The following DEF8 variants were observed in gnomAD, a reference collection of about 807,000 sequenced individuals.
The protein encoded by DEF8 is differentially expressed in FDCP 8 homolog, also known as DEF-8.
DEF8 carries 38 observed loss-of-function variants against 59.1 expected under a neutral mutation model. The ratio of observed to expected loss-of-function variants is 0.64; its 90% confidence interval spans 0.50 to 0.84. DEF8 has a LOEUF of 0.84. DEF8 is among the 40% of genes least tolerant of loss of function. DEF8 has a pLI of 0.00. For missense variants in DEF8, 557 were observed against 615.2 expected (o/e 0.91, Z 1.00); for synonymous variants, 265 against 250.1 (o/e 1.06, Z -0.56).
Position 89,963,410 on chromosome 16 carries a change from C to T in DEF8, c.969C>T (p.Cys323=). The T allele has an allele frequency of 6.2e-7, 1 of 1,613,932 alleles. No individual in the cohort carries two copies. Among genetic ancestry groups the T allele is most frequent in the Non-Finnish European group, 8.5e-7 (1 of 1,179,910 alleles). Residue 323 remains cysteine, a synonymous_variant, in exon 10 of 13, where the codon TGC becomes TGT. Coordinates refer to ENST00000563594, the MANE Select transcript of DEF8 (RefSeq NM_001242818.2). ...ILLMKPYFIT[C]REAMEARLLL... Reference sequence around the variant, plus strand: ...TCATGAAGCCGTACTTCATCACCTGCAGGGAGGCCATGGAGGCTCGTCTGC... The same window carrying T: ...TCATGAAGCCGTACTTCATCACCTGTAGGGAGGCCATGGAGGCTCGTCTGC...
rs185420481 is a variant in DEF8, at chr16:89,967,138, G to A, written c.*1175G>A. 62 of 397,100 alleles carry A rather than the reference G, an allele frequency of 1.6e-4. No individual in the cohort carries two copies. The highest frequency in any genetic ancestry group is 9.9e-4 in the African/African-American group (48 of 48,726). 24.6% of individuals were successfully genotyped at this position (397,100 alleles called of 1,614,324 possible). Reference sequence around the variant, plus strand: ...GCCTCAGGAGAGGACGTGTCAGGACGTGGCTTCCCAGCCTTCTGCCTTGGG... The same window carrying A: ...GCCTCAGGAGAGGACGTGTCAGGACATGGCTTCCCAGCCTTCTGCCTTGGG... On this transcript the variant is annotated 3_prime_UTR_variant, in exon 13 of 13. Transcript: ENST00000563594.
rs751727627 is a variant in DEF8 at position 89,961,733 on chromosome 16, G to T, written c.680-4G>T. 9.9e-6 allele frequency: 16 copies of T among 1,613,018 alleles called. No homozygotes were observed. The Admixed American group carries it at 2.7e-4, about 27-fold the overall frequency. On this transcript the variant is annotated splice_polypyrimidine_tract_variant and splice_region_variant and intron_variant, in intron 7 of 12. Transcript: ENST00000563594. ...GGACACTCAGGGCCCCTCTGACCCT[G>T]CAGGGGGTGTGCCCAGTGAGGCCAG...
intron 3 of DEF8, 91 bp from the exon 4 acceptor site, chr16:89,955,078 T>G: frequency 9.9e-7 from 1 of 1,012,042 alleles, no homozygotes; most frequent in Non-Finnish European, 1.5e-6. Context: ...CTGAATCCCT[T>G]TCCCACTCCT....
chr16:89,963,480 C>T (rs776107147), intron 10 of DEF8, 37 bp downstream of exon 10: 16 of 1,587,754 alleles, frequency 1.0e-5, no homozygotes, highest in African/African-American at 5.4e-5. Context: ...CGATGGGAAG[C>T]GCAGCCAGGG....
At position 89,961,274 on chromosome 16, in the gene DEF8, G is replaced by A. The variant is rs577300841; in HGVS notation, c.679+179G>A. ...TGCCATTGTTTCATTTCTCACTGAA[G>A]CAGACTGAGGTTCCAGCCGTTCCGT... On this transcript the variant is annotated intron_variant, in intron 7 of 12. Coordinates refer to ENST00000563594, the MANE Select transcript of DEF8 (RefSeq NM_001242818.2). Among the ~76,000 whole-genome samples, 14 of 152,312 alleles carry A rather than the reference G, an allele frequency of 9.2e-5. 1 individual carries two copies. The highest frequency in any genetic ancestry group is 3.4e-3 in the Middle Eastern group (1 of 294).
At position 89,965,866 on chromosome 16, in the gene DEF8, G is replaced by A. The variant is rs2034568140; in HGVS notation, c.1259G>A (p.Cys420Tyr). The A allele has an allele frequency of 1.2e-6, 2 of 1,612,448 alleles. No homozygotes were observed. The highest frequency in any genetic ancestry group is 1.1e-5 in the South Asian group (1 of 91,012). The change falls in exon 13 of 13, where the codon TGC becomes TAC. Residue 420 changes from cysteine (C) to tyrosine (Y), a missense_variant. Cys to Tyr is a radical substitution (Grantham distance 194). Coordinates refer to ENST00000563594, the MANE Select transcript of DEF8 (RefSeq NM_001242818.2). ...CGACCTCTTTCTGCCCCCAGGGACTGCTACTACGACAACTCCACCACTTGT... is the reference window on the plus strand; with the variant it reads ...CGACCTCTTTCTGCCCCCAGGGACTACTACTACGACAACTCCACCACTTGT... ...ADCSAVFHRD[C>Y]YYDNSTTCPK...
At position 89,968,049 on chromosome 16, in the gene DEF8, A is replaced by G. The variant is rs2034701989; in HGVS notation, c.*2086A>G. On this transcript the variant is annotated 3_prime_UTR_variant, in exon 13 of 13. Transcript: ENST00000563594. ...TGCTGCTGTCACTGTCTCATTAAAT[A>G]TACATCCTTTAGCCTGGTGTGTGTG... 1 of 152,344 alleles carries G rather than the reference A, an allele frequency of 6.6e-6. No individual in the cohort carries two copies. Among genetic ancestry groups the G allele is most frequent in the Admixed American group, 6.5e-5 (1 of 15,292 alleles). The allele number at this position is 152,344 out of a possible 1,614,324, so 9.4% of individuals were successfully genotyped here. A position where few individuals can be genotyped will look rare whatever the true frequency, so the allele number is the denominator to read the frequency against.
intron 4 of DEF8, 184 bp from the exon 5 acceptor site, chr16:89,957,327 G>T: frequency 1.7e-6 from 1 of 591,402 alleles, no homozygotes; most frequent in African/African-American, 1.9e-5. Flanking sequence ...GCAGCACCGG[G>T]TGGACCTTGA....
chr16:89,965,802 G>C, intron 12 of DEF8, 59 bp from the exon 13 acceptor site: 3 of 1,164,428 alleles, frequency 2.6e-6, no homozygotes, highest in Non-Finnish European at 3.7e-6. Context: ...TAGGACGCTT[G>C]GGGGGATTCA....
At chr16:89,962,513 C>T (rs1219637078) in intron 9 of DEF8, among the ~76,000 whole-genome samples, 14 of 151,904 alleles carry the variant, frequency 9.2e-5, no homozygotes, top group African/African-American at 2.2e-4. Context: ...CAAAATTGGC[C>T]GGGCATGGTG....
In DEF8 at chr16:89,967,013, G is replaced by A. The variant is rs1010691558; in HGVS notation, c.*1050G>A. 1.2e-4 allele frequency: 39 copies of A among 336,490 alleles called. 1 individual carries two copies. In the East Asian group the frequency reaches 1.4e-3, roughly 12 times the overall value. The allele number at this position is 336,490 out of a possible 1,614,324, so 20.8% of individuals were successfully genotyped here. On this transcript the variant is annotated 3_prime_UTR_variant, in exon 13 of 13. Coordinates refer to ENST00000563594, the MANE Select transcript of DEF8 (RefSeq NM_001242818.2). ...GCGTGTGGGAGGTCCCTCACTCCAC[G>A]GGACAGAGGCCCCTGGGCAGCAGAG...
chr16:89,956,020 C>T (rs2033111207), intron 4 of DEF8, among the ~76,000 whole-genome samples: 1 of 152,068 alleles, frequency 6.6e-6, no homozygotes. Context: ...TTGCAGTGAG[C>T]CGAGACTGCG....
chr16:89,959,237 C>A (rs767598989), intron 6 of DEF8, 82 bp downstream of exon 6: 2 of 1,595,328 alleles, frequency 1.3e-6, no homozygotes, highest in African/African-American at 1.3e-5. Context: ...CAGATGTGAG[C>A]TATCCAGTGT....
At chr16:89,965,397 C>G (rs2034515156) in intron 12 of DEF8, among the ~76,000 whole-genome samples, 1 of 152,210 alleles carries the variant, frequency 6.6e-6, no homozygotes, top group African/African-American at 2.4e-5. Context: ...GTGGCAGAAA[C>G]TAAGGTTGAG....
chr16:89,962,936 G>A (rs1249316251), intron 9 of DEF8, among the ~76,000 whole-genome samples: 1 of 152,246 alleles, frequency 6.6e-6, no homozygotes, highest in African/African-American at 2.4e-5. Flanking sequence ...AGGGCAGACG[G>A]GAGCTGCAGT....
At position 89,955,258 on chromosome 16, in the gene DEF8, C is replaced by T. The variant is rs779640162; in HGVS notation, c.214C>T (p.Arg72Cys). 1.8e-5 allele frequency: 29 copies of T among 1,613,412 alleles called. No individual in the cohort carries two copies. The highest frequency in any genetic ancestry group is 2.2e-5 in the South Asian group (2 of 91,074). The stretch of plus-strand genomic sequence containing the variant: ...CGGCCTGTCTGAGGACCACTTCTCC[C>T]GCCCTGTGGTAAGGTTTTAGATCTC... ...DLGLSEDHFSRPVGLFLASDV... is the reference protein window; with the variant it reads ...DLGLSEDHFSCPVGLFLASDV... Residue 72 changes from arginine (R) to cysteine (C), a missense_variant, in exon 4 of 13, where the codon CGC becomes TGC. Transcript: ENST00000563594.
At chr16:89,961,469 G>C (rs566646826) in intron 7 of DEF8, among the ~76,000 whole-genome samples, 1 of 152,218 alleles carries the variant, frequency 6.6e-6, no homozygotes, top group Admixed American at 6.5e-5. Flanking sequence ...ACATGTGCGC[G>C]TCAGCTCTTC....
chr16:89,956,959 C>T (rs565624535), intron 4 of DEF8: 1 of 152,444 alleles, frequency 6.6e-6, no homozygotes, highest in Non-Finnish European at 1.5e-5. Context: ...GGTCCAGGCT[C>T]CCCAGCACTG....
rs2032862238 is a variant in DEF8, at chr16:89,954,836, G to A, written c.125-333G>A. 6.6e-6 allele frequency among the ~76,000 whole-genome samples: 1 copy of A among 152,200 alleles called. No individual in the cohort carries two copies. The highest frequency in any genetic ancestry group is 1.5e-5 in the Non-Finnish European group (1 of 68,036). ...GTGGATTTTGCTGTGTAGCCATGCAGTGGTTTTTCTCTCGCCCCCGTGGTC... is the reference window on the plus strand; with the variant it reads ...GTGGATTTTGCTGTGTAGCCATGCAATGGTTTTTCTCTCGCCCCCGTGGTC... On this transcript the variant is annotated intron_variant, in intron 3 of 12. Transcript: ENST00000563594. This position sits in a 1 kb window ranked among gnomAD's most constrained non-coding sequence, Gnocchi z 4.3.
Sources: allele counts gnomAD v4.1 joint callset (sites outside exome capture counted in the v4.1 genomes callset), GRCh38; gene constraint gnomAD v4.1.1; non-coding constraint Gnocchi (gnomAD v3.1); transcripts MANE v1.5; gene names NCBI Gene and HGNC (gene_info 2026-07-23, HGNC 2026-07-21).